The following PTPRN2 variants were observed in gnomAD, a reference collection of about 807,000 sequenced individuals.
PTPRN2 encodes receptor-type tyrosine-protein phosphatase N2.
PTPRN2 carries 74 observed loss-of-function variants against 118.8 expected under a neutral mutation model. That is an observed-to-expected ratio of 0.62 (90% CI 0.52 to 0.76). The LOEUF (loss-of-function observed/expected upper bound fraction) is 0.76, where lower values mean the gene tolerates loss of function less well. PTPRN2 is among the 30% of genes least tolerant of loss of function. The pLI, the probability that PTPRN2 is intolerant of heterozygous loss-of-function variation, is 0.00. For missense variants in PTPRN2, 1,481 were observed against 1,394.4 expected (o/e 1.06, Z -0.99); for synonymous variants, 641 against 608.0 (o/e 1.05, Z -0.80).
At chr7:158,201,615 G>T (rs544062849) in intron 4 of PTPRN2, among the ~76,000 whole-genome samples, 1 of 152,184 alleles carries the variant, frequency 6.6e-6, no homozygotes, top group African/African-American at 2.4e-5. Flanking sequence ...CACCCTTTTA[G>T]GTCCAATAAG....
chr7:158,084,444 T>C (rs1813097110), intron 10 of PTPRN2, among the ~76,000 whole-genome samples: 1 of 152,162 alleles, frequency 6.6e-6, no homozygotes, highest in African/African-American at 2.4e-5. Flanking sequence ...GCTTTCTGTC[T>C]CTTTAGACAT....
At chr7:158,396,180 G>C (rs1812484740) in intron 2 of PTPRN2, among the ~76,000 whole-genome samples, 1 of 152,202 alleles carries the variant, frequency 6.6e-6, no homozygotes, top group South Asian at 2.1e-4. Context: ...CTCCCTAACG[G>C]GAGACAGCGC....
intron 12 of PTPRN2, among the ~76,000 whole-genome samples, chr7:157,872,794 T>C (rs1811188704): frequency 6.6e-6 from 1 of 152,246 alleles, no homozygotes; most frequent in Non-Finnish European, 1.5e-5. Flanking sequence ...TCAGGGCTCC[T>C]GAGAGTTTCC....
intron 12 of PTPRN2, among the ~76,000 whole-genome samples, chr7:157,768,250 G>C (rs1802599952): frequency 6.6e-6 from 1 of 152,252 alleles, no homozygotes; most frequent in African/African-American, 2.4e-5. Flanking sequence ...GATGCAGAGA[G>C]AGTGAGGCCC....
chr7:158,105,628 A>G (rs1389638165), intron 10 of PTPRN2, among the ~76,000 whole-genome samples: 1 of 151,544 alleles, frequency 6.6e-6, no homozygotes, highest in Non-Finnish European at 1.5e-5. Flanking sequence ...ACCAAGCTCC[A>G]TAGACTTCCA....
intron 3 of PTPRN2, among the ~76,000 whole-genome samples, chr7:158,253,270 C>A (rs748819721): frequency 6.6e-6 from 1 of 151,022 alleles, no homozygotes; most frequent in Admixed American, 6.6e-5. Context: ...GAGGACTGAC[C>A]GGGGCCAGCA....
chr7:157,933,052 G>A (rs1799472000), intron 11 of PTPRN2, among the ~76,000 whole-genome samples: 1 of 149,494 alleles, frequency 6.7e-6, no homozygotes, highest in Non-Finnish European at 1.5e-5. Flanking sequence ...GGCGGGGTGA[G>A]TCAGTCTGAC....
chr7:158,501,492 A>T (rs890893572), intron 1 of PTPRN2, among the ~76,000 whole-genome samples: 15 of 152,280 alleles, frequency 9.9e-5, no homozygotes, highest in Non-Finnish European at 1.9e-4. Context: ...TCCCCGACAC[A>T]ACGCCAGGCT....
At chr7:158,303,684 T>C (rs1369020932) in intron 3 of PTPRN2, among the ~76,000 whole-genome samples, 2 of 152,212 alleles carry the variant, frequency 1.3e-5, no homozygotes, top group African/African-American at 4.8e-5. Flanking sequence ...AAAATAAATA[T>C]GAAGACACTG....
chr7:158,171,334 T>TAC (rs1823674063), intron 5 of PTPRN2, among the ~76,000 whole-genome samples: 1 of 127,816 alleles, frequency 7.8e-6, no homozygotes, highest in Non-Finnish European at 1.6e-5. Flanking sequence ...TATATATATA[T>TAC]ATATATATAT....
chr7:158,251,879 G>A (rs1433887116), intron 3 of PTPRN2, among the ~76,000 whole-genome samples: 1 of 152,160 alleles, frequency 6.6e-6, no homozygotes, highest in Non-Finnish European at 1.5e-5. Flanking sequence ...CTGAAACGCT[G>A]TAAAACTGGA....
intron 12 of PTPRN2, among the ~76,000 whole-genome samples, chr7:157,820,084 GCACA>G (rs891251113): frequency 3.4e-5 from 5 of 147,454 alleles, no homozygotes; most frequent in African/African-American, 1.3e-4. Context: ...CAATGTATAT[GCACA>G]CACACAACAC....
At chr7:158,025,993 G>A (rs1157312765) in intron 11 of PTPRN2, among the ~76,000 whole-genome samples, 1 of 152,220 alleles carries the variant, frequency 6.6e-6, no homozygotes, top group African/African-American at 2.4e-5. Flanking sequence ...AGTCATGTTT[G>A]GAAGGGGCAG....
chr7:158,216,986 A>G (rs1172429378), intron 3 of PTPRN2, among the ~76,000 whole-genome samples: 1 of 152,248 alleles, frequency 6.6e-6, no homozygotes, highest in African/African-American at 2.4e-5. Context: ...TCCATGGGTC[A>G]AAGAGAAGAT....
At chr7:158,243,319 A>C (rs1260993179) in intron 3 of PTPRN2, among the ~76,000 whole-genome samples, 2 of 152,222 alleles carry the variant, frequency 1.3e-5, no homozygotes, top group Non-Finnish European at 2.9e-5. Flanking sequence ...AGAGGAGCAG[A>C]CCATTTCACT....
chr7:157,540,809 G>T (rs1226150594), intron 22 of PTPRN2, 24 bp from the exon 23 acceptor site: 1 of 1,540,156 alleles, frequency 6.5e-7, no homozygotes, highest in South Asian at 1.2e-5. Context: ...AACGAGAGAA[G>T]TGCCAATGAG....
chr7:157,920,106 G>C (rs546102089), intron 11 of PTPRN2, among the ~76,000 whole-genome samples: 13 of 152,290 alleles, frequency 8.5e-5, no homozygotes, highest in African/African-American at 2.9e-4. Flanking sequence ...GAAATTGCCA[G>C]ATGAAACATT....
intron 2 of PTPRN2, among the ~76,000 whole-genome samples, chr7:158,348,643 G>T (rs1807716103): frequency 6.6e-6 from 1 of 152,294 alleles, no homozygotes; most frequent in Admixed American, 6.5e-5. Context: ...CCCTCACAGA[G>T]TTTTCATGCT....
intron 2 of PTPRN2, among the ~76,000 whole-genome samples, chr7:158,359,449 C>CG (rs918699929): frequency 6.6e-6 from 1 of 152,102 alleles, no homozygotes; most frequent in Non-Finnish European, 1.5e-5. Flanking sequence ...CTCGGCCAGC[C>CG]GGGGGGACCC....
Sources: gnomAD v4.1 joint callset for allele counts (sites outside exome capture counted in the v4.1 genomes callset) on GRCh38, gnomAD v4.1.1 for gene constraint, MANE v1.5 for transcripts, NCBI Gene and HGNC (gene_info 2026-07-23, HGNC 2026-07-21) for gene names.